The following SEZ6L variants were observed in gnomAD, a reference collection of about 807,000 sequenced individuals.
SEZ6L encodes the protein seizure related 6 homolog like.
Under a neutral mutation model 106.2 loss-of-function variants are expected in SEZ6L, and 37 were observed. The ratio of observed to expected loss-of-function variants is 0.35; its 90% confidence interval spans 0.27 to 0.46. SEZ6L has a LOEUF of 0.46. SEZ6L is among the 20% of genes least tolerant of loss of function. The pLI is 1.00. For missense variants in SEZ6L, 1,172 were observed against 1,332.8 expected (o/e 0.88, Z 1.88); for synonymous variants, 541 against 570.4 (o/e 0.95, Z 0.73).
intron 6 of SEZ6L, among the ~76,000 whole-genome samples, chr22:26,310,099 C>G (rs1045378938): frequency 3.9e-5 from 6 of 152,164 alleles, no homozygotes; most frequent in Non-Finnish European, 1.5e-5. Flanking sequence ...TTCATTAGTT[C>G]GTCGTTTGGT....
chr22:26,170,985 G>A (rs765366925), intron 1 of SEZ6L, among the ~76,000 whole-genome samples: 10 of 152,122 alleles, frequency 6.6e-5, no homozygotes, highest in Non-Finnish European at 1.2e-4. Context: ...AGCACCAAAG[G>A]CCCTGGACAG....
intron 1 of SEZ6L, among the ~76,000 whole-genome samples, chr22:26,267,123 T>C (rs943944141): frequency 2.3e-4 from 35 of 152,232 alleles, no homozygotes; most frequent in African/African-American, 8.4e-4. Flanking sequence ...TTTACTTGCA[T>C]CTGCTCATTT....
intron 9 of SEZ6L, among the ~76,000 whole-genome samples, chr22:26,338,450 T>C (rs539050962): frequency 6.6e-6 from 1 of 152,298 alleles, no homozygotes; most frequent in East Asian, 1.9e-4. Context: ...CAGGCTGGAG[T>C]ACAGTGGCAC....
rs374698416 is a variant in SEZ6L, at chr22:26,351,071, C to T, written c.2427C>T (p.Pro809=). 49 of 1,613,880 alleles carry T rather than the reference C, an allele frequency of 3.0e-5. No homozygotes were observed. The highest frequency in any genetic ancestry group is 1.7e-4 in the Middle Eastern group (1 of 6,014). The change falls in exon 12 of 17, where the codon CCC becomes CCT. Residue 809 remains proline (P), a synonymous_variant. Coordinates refer to ENST00000248933, the MANE Select transcript of SEZ6L (RefSeq NM_021115.5). ...GTGTAGTTATGTACTGCACCGACCC[C>T]GGAGAGGTGGATCACTCGACCCGCT... is the stretch of plus-strand genomic sequence containing the variant. ...FCEKIMYCTD[P]GEVDHSTRLI...
chr22:26,349,236 A>G (rs1034438001), intron 11 of SEZ6L, among the ~76,000 whole-genome samples: 5 of 152,214 alleles, frequency 3.3e-5, no homozygotes, highest in African/African-American at 1.2e-4. Flanking sequence ...AAATGAGGTC[A>G]GAAAAACCCC....
At chr22:26,368,660 T>G (rs566837735) in intron 13 of SEZ6L, among the ~76,000 whole-genome samples, 1 of 152,322 alleles carries the variant, frequency 6.6e-6, no homozygotes, top group East Asian at 1.9e-4. Flanking sequence ...AGGTCATGGT[T>G]GCGCACCATT....
intron 3 of SEZ6L, 137 bp from the exon 4 acceptor site, chr22:26,296,751 G>T: frequency 1.5e-6 from 1 of 646,422 alleles, no homozygotes. Flanking sequence ...TGTGGGCTCG[G>T]CATGGGGCCC....
intron 9 of SEZ6L, among the ~76,000 whole-genome samples, chr22:26,333,915 C>A (rs191845931): frequency 1.4e-3 from 213 of 152,198 alleles, no homozygotes; most frequent in African/African-American, 5.0e-3. Context: ...TCCCAGAGGT[C>A]ACCAAGAGCA....
In SEZ6L at chr22:26,209,834, TAGG is replaced by T. The variant is rs2078098352; in HGVS notation, c.94+40076_94+40078del. On this transcript the variant is annotated intron_variant, in intron 1 of 16. Transcript: ENST00000248933. ...GGATAGATGGAAGAAAGGAAAAAAG[TAGG>T]AGGAAGGAAGGAATGAAGGAAAGAA... is the stretch of plus-strand genomic sequence containing the variant. Among the ~76,000 whole-genome samples, 9 of 49,454 alleles carry T rather than the reference TAGG, an allele frequency of 1.8e-4. 1 individual carries two copies. The South Asian group carries it at 4.7e-3, about 26-fold the overall frequency. The allele number at this position is 49,454 out of a possible 152,430, so 32.4% of individuals were successfully genotyped here.
intron 12 of SEZ6L, among the ~76,000 whole-genome samples, chr22:26,362,511 G>A (rs1196160537): frequency 6.6e-6 from 1 of 152,186 alleles, no homozygotes; most frequent in Non-Finnish European, 1.5e-5. Flanking sequence ...TATGGCACCT[G>A]CCATTTTTAA....
chr22:26,230,319 TA>T (rs11415988), intron 1 of SEZ6L, among the ~76,000 whole-genome samples: 64 of 148,086 alleles, frequency 4.3e-4, no homozygotes, highest in South Asian at 1.1e-3. Flanking sequence ...ACCATAAAGG[TA>T]AAAAAAAAAA....
At chr22:26,263,812 G>C (rs1207400) in intron 1 of SEZ6L, among the ~76,000 whole-genome samples, 147,724 of 152,280 alleles carry the variant, frequency 0.97, 71,816 homozygotes, top group East Asian at 1. Flanking sequence ...GCCTTCTCCC[G>C]TCTCTATCCA....
chr22:26,267,858 G>A (rs1004200302), intron 1 of SEZ6L, among the ~76,000 whole-genome samples: 2 of 152,194 alleles, frequency 1.3e-5, no homozygotes, highest in Non-Finnish European at 2.9e-5. Flanking sequence ...AGGAGTTAGA[G>A]GGTTTGCTGA....
rs986804700 is a variant in SEZ6L at position 26,272,737 on chromosome 22, G to A, written c.95-19669G>A. On this transcript the variant is annotated intron_variant, in intron 1 of 16. Coordinates refer to ENST00000248933, the MANE Select transcript of SEZ6L (RefSeq NM_021115.5). ...TGGATGAATGAATGAATTCATGAGT[G>A]AATTCATTTTATTTTGTGAAAGTTA... Among the ~76,000 whole-genome samples, 8 of 152,266 alleles carry A rather than the reference G, an allele frequency of 5.3e-5. No individual in the cohort carries two copies. In the South Asian group the frequency reaches 8.3e-4, roughly 16 times the overall value.
At chr22:26,304,950 A>T (rs1053422172) in intron 5 of SEZ6L, among the ~76,000 whole-genome samples, 1 of 152,236 alleles carries the variant, frequency 6.6e-6, no homozygotes, top group African/African-American at 2.4e-5. Flanking sequence ...GTGTATGTAC[A>T]CGAGCCTTGA....
At chr22:26,330,814 C>A (rs1326406163) in intron 9 of SEZ6L, among the ~76,000 whole-genome samples, 2 of 152,152 alleles carry the variant, frequency 1.3e-5, no homozygotes, top group African/African-American at 4.8e-5. Flanking sequence ...AAATAATGTC[C>A]ATGAAATTAG....
chr22:26,284,623 A>C (rs1230771048), intron 1 of SEZ6L, among the ~76,000 whole-genome samples: 5 of 139,384 alleles, frequency 3.6e-5, no homozygotes, highest in Non-Finnish European at 8.1e-5. Flanking sequence ...AAAAAAAAAA[A>C]AAAAAAAAAC....
chr22:26,369,341 C>CTTTTTTTTTTTTTTTTTTTTTTTTTTTT (rs199641007), intron 13 of SEZ6L, among the ~76,000 whole-genome samples: 1,297 of 103,526 alleles, frequency 0.013, 454 homozygotes, highest in East Asian at 0.054. Context: ...ATAAGCAGTT[C>CTTTTTTTTTTTTTTTTTTTTTTTTTTTT]TTTTGTTTTT....
At chr22:26,305,115 A>G in intron 5 of SEZ6L, among the ~76,000 whole-genome samples, 1 of 152,336 alleles carries the variant, frequency 6.6e-6, no homozygotes, top group East Asian at 1.9e-4. Flanking sequence ...TAATATTAAA[A>G]TCTTATGGGA....
Sources: allele counts gnomAD v4.1 joint callset (sites outside exome capture counted in the v4.1 genomes callset), GRCh38; gene constraint gnomAD v4.1.1; transcripts MANE v1.5; gene names NCBI Gene and HGNC (gene_info 2026-07-23, HGNC 2026-07-21).